The following EPB41L4A variants were observed in gnomAD, a reference collection of about 807,000 sequenced individuals.
EPB41L4A encodes the protein erythrocyte membrane protein band 4.1 like 4A, also known as band 4.1-like protein 4A.
Under a neutral mutation model 108.6 loss-of-function variants are expected in EPB41L4A, and 100 were observed. That is an observed-to-expected ratio of 0.92 (90% CI 0.78 to 1.09). The LOEUF (loss-of-function observed/expected upper bound fraction) is 1.09. Among genes scored for constraint, EPB41L4A ranks in the 50% least tolerant of loss-of-function variants. The pLI is 0.00. For synonymous variants in EPB41L4A, 319 were observed against 289.0 expected (o/e 1.10, Z -1.05); for missense variants, 1,030 against 842.7 (o/e 1.22, Z -2.75).
Position 112,313,698 on chromosome 5 carries a change from T to C in EPB41L4A, c.100-6208A>G, listed in dbSNP as rs575879839. 3.2e-4 allele frequency among the ~76,000 whole-genome samples: 48 copies of C among 152,188 alleles called. 1 individual carries two copies. The South Asian group carries it at 9.4e-3, about 30-fold the overall frequency. On this transcript the variant is annotated intron_variant, in intron 1 of 22. Transcript: ENST00000261486. ...CAGGCAGAAATTAGTCATTACCTTT[T>C]TTTGCTGTGGAGGCAGTTTGTTTGT...
intron 12 of EPB41L4A, among the ~76,000 whole-genome samples, chr5:112,223,491 A>G (rs552839530): frequency 6.6e-6 from 1 of 152,316 alleles, no homozygotes; most frequent in East Asian, 1.9e-4. Context: ...CTCAGATGCC[A>G]TCTACTCAGG....
intron 1 of EPB41L4A, among the ~76,000 whole-genome samples, chr5:112,354,773 T>C (rs1048057891): frequency 3.3e-5 from 5 of 152,208 alleles, no homozygotes; most frequent in Non-Finnish European, 7.3e-5. Flanking sequence ...TGATTCACAA[T>C]TGATCTAGTT....
intron 1 of EPB41L4A, among the ~76,000 whole-genome samples, chr5:112,386,265 A>T (rs1760520662): frequency 6.6e-6 from 1 of 152,250 alleles, no homozygotes; most frequent in African/African-American, 2.4e-5. Context: ...CCCAGCCTAC[A>T]AAATGGCTCA....
At chr5:112,180,455 T>C (rs1483466563) in intron 18 of EPB41L4A, among the ~76,000 whole-genome samples, 2 of 152,046 alleles carry the variant, frequency 1.3e-5, no homozygotes, top group East Asian at 3.8e-4. Flanking sequence ...CACAAGGCAT[T>C]TCAATGAAAA....
At chr5:112,216,992 G>A (rs548813674) in intron 12 of EPB41L4A, among the ~76,000 whole-genome samples, 307 of 149,202 alleles carry the variant, frequency 2.1e-3, no homozygotes, top group African/African-American at 6.8e-3. Context: ...TTTTTTTTGA[G>A]ACAGAGTCTC....
rs189928953 is a variant in EPB41L4A at position 112,306,589 on chromosome 5, G to C, written c.204+797C>G. On this transcript the variant is annotated intron_variant, in intron 2 of 22. Transcript: ENST00000261486. ...AGAGGAGGACATCTCTATTTCAACA[G>C]CAGTTGAGTAGGATGAAAAATAAAA... is the stretch of plus-strand genomic sequence containing the variant. 3.9e-5 allele frequency among the ~76,000 whole-genome samples: 6 copies of C among 152,272 alleles called. No individual in the cohort carries two copies. The East Asian group carries it at 9.6e-4, about 24-fold the overall frequency.
intron 1 of EPB41L4A, among the ~76,000 whole-genome samples, chr5:112,379,173 A>G (rs1760011185): frequency 6.6e-6 from 1 of 152,196 alleles, no homozygotes; most frequent in Non-Finnish European, 1.5e-5. Context: ...GCATCAATGA[A>G]GGCAGAAAAG....
intron 1 of EPB41L4A, among the ~76,000 whole-genome samples, chr5:112,371,655 T>C (rs748759647): frequency 6.6e-6 from 1 of 152,180 alleles, no homozygotes. Context: ...TGTGGCTCTT[T>C]ACTGCTCCTG....
At chr5:112,390,678 G>A (rs995813662) in intron 1 of EPB41L4A, among the ~76,000 whole-genome samples, 1 of 152,184 alleles carries the variant, frequency 6.6e-6, no homozygotes, top group Non-Finnish European at 1.5e-5. Context: ...CTGTCTGACA[G>A]CTCTGAAGAG....
chr5:112,284,761 A>G (rs2150518349), intron 2 of EPB41L4A, among the ~76,000 whole-genome samples: 1 of 152,320 alleles, frequency 6.6e-6, no homozygotes, highest in Non-Finnish European at 1.5e-5. Context: ...GAGGTAAAGC[A>G]GTTAGACAGC....
At chr5:112,296,468 A>G (rs938636101) in intron 2 of EPB41L4A, among the ~76,000 whole-genome samples, 1 of 152,140 alleles carries the variant, frequency 6.6e-6, no homozygotes, top group Admixed American at 6.5e-5. Context: ...GTCTGAAAAA[A>G]CACTGCTCTC....
At chr5:112,385,617 T>C (rs1194505716) in intron 1 of EPB41L4A, among the ~76,000 whole-genome samples, 1 of 152,104 alleles carries the variant, frequency 6.6e-6, no homozygotes, top group African/African-American at 2.4e-5. Flanking sequence ...TATCTCCTTA[T>C]TGAAATTAGA....
At chr5:112,397,009 A>T (rs957239342) in intron 1 of EPB41L4A, among the ~76,000 whole-genome samples, 3 of 152,190 alleles carry the variant, frequency 2.0e-5, no homozygotes, top group Non-Finnish European at 2.9e-5. Flanking sequence ...ACCCATGGGA[A>T]CTGGGCTTCT....
intron 13 of EPB41L4A, among the ~76,000 whole-genome samples, chr5:112,208,030 G>A (rs955886034): frequency 4.6e-5 from 7 of 152,030 alleles, no homozygotes; most frequent in East Asian, 3.9e-4. Context: ...GGCGGATCCC[G>A]AGGTCAAGAG....
chr5:112,329,204 G>C (rs968010898), intron 1 of EPB41L4A, among the ~76,000 whole-genome samples: 2 of 152,184 alleles, frequency 1.3e-5, no homozygotes, highest in Non-Finnish European at 2.9e-5. Context: ...TTGATTACAT[G>C]TTGAAATAAT....
intron 12 of EPB41L4A, among the ~76,000 whole-genome samples, chr5:112,211,944 C>A (rs1331239140): frequency 6.6e-6 from 1 of 152,106 alleles, no homozygotes; most frequent in Admixed American, 6.5e-5. Flanking sequence ...CATGCTGGAG[C>A]CACTACCAAT....
chr5:112,264,795 T>C, intron 6 of EPB41L4A, 101 bp downstream of exon 6: 3 of 1,174,878 alleles, frequency 2.6e-6, no homozygotes, highest in Non-Finnish European at 3.5e-6. Context: ...GAATATTAAA[T>C]GCACAGGTGA....
At chr5:112,347,085 C>A (rs1037871573) in intron 1 of EPB41L4A, among the ~76,000 whole-genome samples, 14 of 152,342 alleles carry the variant, frequency 9.2e-5, no homozygotes, top group African/African-American at 3.4e-4. Context: ...ACACAAAATT[C>A]TGTGAGGAAA....
intron 12 of EPB41L4A, among the ~76,000 whole-genome samples, chr5:112,217,279 A>G (rs1317611190): frequency 6.6e-6 from 1 of 152,250 alleles, no homozygotes; most frequent in African/African-American, 2.4e-5. Context: ...GATGCTCATT[A>G]AATTCTATAA....
Sources: allele counts gnomAD v4.1 joint callset (sites outside exome capture counted in the v4.1 genomes callset), GRCh38; gene constraint gnomAD v4.1.1; transcripts MANE v1.5; gene names NCBI Gene and HGNC (gene_info 2026-07-23, HGNC 2026-07-21).